The following CCDC73 variants were observed in gnomAD, a reference collection of about 807,000 sequenced individuals.
CCDC73 encodes the protein coiled-coil domain containing 73.
Under a neutral mutation model 116.5 loss-of-function variants are expected in CCDC73, and 95 were observed. The ratio of observed to expected loss-of-function variants is 0.82; its 90% CI spans 0.69 to 0.97. The LOEUF (loss-of-function observed/expected upper bound fraction) is 0.97, where lower values mean the gene tolerates loss of function less well. Ranked by LOEUF, CCDC73 falls within the 50% of genes least tolerant of loss-of-function variation. The pLI is 0.00. For missense variants in CCDC73, 1,066 were observed against 1,206.8 expected (o/e 0.88, Z 1.73); for synonymous variants, 398 against 401.3 (o/e 0.99, Z 0.10).
intron 3 of CCDC73, 42 bp downstream of exon 3, chr11:32,718,034 T>C (rs370441675): frequency 1.7e-4 from 235 of 1,349,272 alleles, no homozygotes; most frequent in Admixed American, 5.2e-4. Context: ...CAATTCAAGA[T>C]GAGATTTGGC....
At chr11:32,795,292 G>A (rs1341610705), upstream of CCDC73, among the ~76,000 whole-genome samples, 2 of 151,772 alleles carry the variant, frequency 1.3e-5, no homozygotes, top group Non-Finnish European at 2.9e-5. Context: ...AACATGGTGA[G>A]ACCCCCGTCT....
At chr11:32,604,088 CAAAA>C (rs1855313543) in intron 17 of CCDC73, 1 of 152,102 alleles carries the variant, frequency 6.6e-6, no homozygotes, top group Non-Finnish European at 1.5e-5. Flanking sequence ...ATAGATAAAA[CAAAA>C]GGAATACTGA....
chr11:32,748,320 A>C (rs940947230), intron 2 of CCDC73, among the ~76,000 whole-genome samples: 2 of 152,076 alleles, frequency 1.3e-5, no homozygotes, highest in African/African-American at 4.8e-5. Flanking sequence ...ATTTGAGGTT[A>C]CCATTAGGCT....
At chr11:32,622,700 C>T (rs1377238963) in intron 14 of CCDC73, among the ~76,000 whole-genome samples, 35 of 139,304 alleles carry the variant, frequency 2.5e-4, no homozygotes, top group African/African-American at 9.0e-4. Flanking sequence ...AAGAATGAAC[C>T]TCTAGGACAC....
At chr11:32,633,946 G>A (rs1399913764) in intron 14 of CCDC73, among the ~76,000 whole-genome samples, 1 of 152,118 alleles carries the variant, frequency 6.6e-6, no homozygotes, top group African/African-American at 2.4e-5. Flanking sequence ...GTCTTTCTAA[G>A]TACAGCATTC....
At chr11:32,738,301 C>G (rs151162511) in intron 2 of CCDC73, among the ~76,000 whole-genome samples, 1 of 152,204 alleles carries the variant, frequency 6.6e-6, no homozygotes, top group Admixed American at 6.5e-5. Flanking sequence ...AGGGGTTATA[C>G]TAATTTACAT....
intron 9 of CCDC73, among the ~76,000 whole-genome samples, chr11:32,670,350 G>T (rs535794212): frequency 6.6e-6 from 1 of 152,100 alleles, no homozygotes; most frequent in Admixed American, 6.5e-5. Context: ...GTGAAACCCC[G>T]TCTCTACTAA....
At chr11:32,746,891 G>C (rs559198542) in intron 2 of CCDC73, among the ~76,000 whole-genome samples, 1 of 152,162 alleles carries the variant, frequency 6.6e-6, no homozygotes, top group East Asian at 1.9e-4. Flanking sequence ...GCTCGGAGAA[G>C]TTTGTTATTA....
At position 32,616,009 on chromosome 11, in the gene CCDC73, A is replaced by C. The variant is rs1201007657; in HGVS notation, c.1306T>G (p.Ser436Ala). 1.2e-6 allele frequency: 2 copies of C among 1,602,588 alleles called. No homozygotes were observed. The highest frequency in any genetic ancestry group is 3.4e-5 in the Admixed American group (2 of 58,826). ...TCTTTTTCTCTGTATTCAGTATCTG[A>C]ACAAAAATTCTCCATATTTTCTTCC... is the stretch of plus-strand genomic sequence containing the variant. ...IREENMENFCSDTEYREKEEK... is the reference protein window; with the variant it reads ...IREENMENFCADTEYREKEEK... Residue 436 changes from serine (S) to alanine (A), a missense_variant, in exon 15 of 18, where the codon TCA becomes GCA. Ser to Ala is a moderately conservative substitution (Grantham distance 99, BLOSUM62 1). Coordinates refer to ENST00000335185, the MANE Select transcript of CCDC73 (RefSeq NM_001008391.4).
chr11:32,716,693 C>T, intron 3 of CCDC73, among the ~76,000 whole-genome samples: 1 of 152,174 alleles, frequency 6.6e-6, no homozygotes, highest in East Asian at 1.9e-4. Context: ...TCCCGAGGAG[C>T]TAGGACTACA....
intron 2 of CCDC73, among the ~76,000 whole-genome samples, chr11:32,749,616 T>C (rs1850269241): frequency 6.6e-6 from 1 of 152,006 alleles, no homozygotes; most frequent in Non-Finnish European, 1.5e-5. Context: ...GAGTGGGGTA[T>C]TTTTTGTAGT....
chr11:32,747,947 C>T (rs1451071420), intron 2 of CCDC73, among the ~76,000 whole-genome samples: 4 of 152,254 alleles, frequency 2.6e-5, no homozygotes, highest in African/African-American at 9.6e-5. Context: ...CCTCCACGGG[C>T]TGCACCCACT....
intron 2 of CCDC73, among the ~76,000 whole-genome samples, chr11:32,727,325 C>T (rs1057385537): frequency 6.6e-6 from 1 of 152,054 alleles, no homozygotes; most frequent in South Asian, 2.1e-4. Flanking sequence ...TAGTATTTTC[C>T]CCTTACATAT....
Position 32,602,953 on chromosome 11 carries a change from T to C in CCDC73, c.3098A>G (p.Asn1033Ser). 1 of 1,613,554 alleles carries C rather than the reference T, an allele frequency of 6.2e-7. No homozygotes were observed. Among genetic ancestry groups the C allele is most frequent in the Non-Finnish European group, 8.5e-7 (1 of 1,179,740 alleles). Reference sequence around the variant, plus strand: ...CTGCCAGTCATCATCACCAGAAGTATTTTTAGTCGTCTTGATTGCCTGCAA... The same window carrying C: ...CTGCCAGTCATCATCACCAGAAGTACTTTTAGTCGTCTTGATTGCCTGCAA... Reference protein sequence around the residue: ...SHLQAIKTTKNTSGDDDWQSL... With the variant: ...SHLQAIKTTKSTSGDDDWQSL... The change falls in exon 18 of 18, where the codon AAT becomes AGT. Residue 1033 changes from asparagine (N) to serine (S), a missense_variant. Physicochemically the swap from Asn to Ser is conservative, Grantham distance 46. Coordinates refer to ENST00000335185, the MANE Select transcript of CCDC73 (RefSeq NM_001008391.4).
intron 7 of CCDC73, chr11:32,681,170 C>G (rs1366102582): frequency 6.6e-6 from 1 of 151,900 alleles, no homozygotes; most frequent in Non-Finnish European, 1.5e-5. Context: ...AAATGATATA[C>G]AGAAGAGAAA....
chr11:32,756,600 T>A (rs1244531723), intron 2 of CCDC73, among the ~76,000 whole-genome samples: 1 of 151,348 alleles, frequency 6.6e-6, no homozygotes, highest in Non-Finnish European at 1.5e-5. Context: ...ATTTATTTAG[T>A]CATTACCCTT....
intron 9 of CCDC73, among the ~76,000 whole-genome samples, chr11:32,673,937 G>A (rs1457728367): frequency 6.6e-6 from 1 of 152,162 alleles, no homozygotes; most frequent in Non-Finnish European, 1.5e-5. Flanking sequence ...CAATTTGAGA[G>A]AAGTAGTGAT....
In CCDC73 at chr11:32,740,594, T is replaced by C. The variant is rs188469413; in HGVS notation, c.135+19515A>G. On this transcript the variant is annotated intron_variant, in intron 2 of 17. Coordinates refer to ENST00000335185, the MANE Select transcript of CCDC73 (RefSeq NM_001008391.4). ...GGTCTTTTCTCTTGTTTTCTTAGTC[T>C]GGATAACAGTTTGTCAATTTTATTT... 3.0e-4 allele frequency among the ~76,000 whole-genome samples: 45 copies of C among 152,112 alleles called. No homozygotes were observed. In the East Asian group the frequency reaches 8.7e-3, roughly 29 times the overall value.
At chr11:32,811,779 G>C in the CCDC73 span, among the ~76,000 whole-genome samples, 33 of 152,128 alleles carry the variant, frequency 2.2e-4, no homozygotes, top group African/African-American at 6.8e-4. Flanking sequence ...ACAGCACCAA[G>C]CCATTCATGA....
Sources: allele counts gnomAD v4.1 joint callset (sites outside exome capture counted in the v4.1 genomes callset), GRCh38; gene constraint gnomAD v4.1.1; transcripts MANE v1.5; gene names NCBI Gene and HGNC (gene_info 2026-07-23, HGNC 2026-07-21).